Variants in TNS1 observed in about 807,000 individuals in gnomAD.
The protein encoded by TNS1 is tensin 1, also known as tensin-1.
Under a neutral mutation model 168.6 loss-of-function variants are expected in TNS1, and 62 were observed. The observed-to-expected ratio is 0.37, with a 90% confidence interval of 0.30 to 0.45. The LOEUF is 0.45. Ranked by LOEUF, TNS1 falls within the 20% of genes least tolerant of loss-of-function variation. The pLI, the probability that TNS1 is intolerant of heterozygous loss-of-function variation, is 1.00. For synonymous variants in TNS1, 934 were observed against 933.2 expected, an observed-to-expected ratio of 1.00 and a Z score of -0.02; for missense variants, 2,240 against 2,339.4, an observed-to-expected ratio of 0.96 and a Z score of 0.88.
chr2:217,914,048 C>CAGGGGGTTTT (rs112655706), intron 4 of TNS1, among the ~76,000 whole-genome samples: 8,036 of 152,202 alleles, frequency 0.053, 465 homozygotes, highest in African/African-American at 0.14. Flanking sequence ...TCTGTTTCAG[C>CAGGGGGTTTT]CCTGCTACCT....
At chr2:217,906,285 C>A in intron 6 of TNS1, 50 bp downstream of exon 6, 1 of 690,214 alleles carries the variant, frequency 1.4e-6, no homozygotes, top group South Asian at 1.5e-5. Flanking sequence ...CCCCATTCCC[C>A]CTGGCCACCA....
At chr2:217,899,871 G>A (rs556432117) in intron 7 of TNS1, among the ~76,000 whole-genome samples, 1 of 152,332 alleles carries the variant, frequency 6.6e-6, no homozygotes, top group African/African-American at 2.4e-5. Flanking sequence ...CTACTGCAGG[G>A]CTGGCATCCC....
rs1455091924 is a variant in TNS1, at chr2:217,800,666, C to G, written c.*3793G>C. On this transcript the variant is annotated 3_prime_UTR_variant, in exon 33 of 33. Coordinates refer to ENST00000682258, the MANE Select transcript of TNS1 (RefSeq NM_001387777.1). ...AAGGGCTGCTCTGGGACTCTGCCCC[C>G]CAACCTCTTGGAGGACCCCGAGTGT... 1.3e-5 allele frequency: 2 copies of G among 152,208 alleles called. No homozygotes were observed. Among genetic ancestry groups the G allele is most frequent in the Admixed American group, 6.5e-5 (1 of 15,284 alleles). The allele number at this position is 152,208 out of a possible 1,614,324, so 9.4% of individuals were successfully genotyped here.
chr2:217,949,587 C>T (rs1957193567), intron 3 of TNS1, among the ~76,000 whole-genome samples: 1 of 152,150 alleles, frequency 6.6e-6, no homozygotes, highest in South Asian at 2.1e-4. Context: ...GAGTAGATTC[C>T]TAGCCAGCAA....
chr2:217,863,287 A>G (rs115281838), intron 18 of TNS1, among the ~76,000 whole-genome samples: 1,854 of 152,116 alleles, frequency 0.012, 8 homozygotes, highest in Middle Eastern at 0.024. Context: ...AGGTTAGAGG[A>G]AAGAGGAGCA....
intron 18 of TNS1, chr2:217,858,732 A>G (rs6436017): frequency 0.6 from 97,625 of 163,292 alleles, 31,244 homozygotes; most frequent in African/African-American, 0.83. Context: ...ACTCTCCTGC[A>G]CGCTCTCTCC....
At position 217,854,616 on chromosome 2, in the gene TNS1, A is replaced by G. The variant is rs560530512; in HGVS notation, c.1430-5529T>C. Reference sequence around the variant, plus strand: ...CTGGGCAAAACTCCTTAAAAGGAGGAGTGGGGAATCCAAGGCCACGTGCAT... The same window carrying G: ...CTGGGCAAAACTCCTTAAAAGGAGGGGTGGGGAATCCAAGGCCACGTGCAT... On this transcript the variant is annotated intron_variant, in intron 18 of 32. Coordinates refer to ENST00000682258, the MANE Select transcript of TNS1 (RefSeq NM_001387777.1). 4.4e-4 allele frequency among the ~76,000 whole-genome samples: 67 copies of G among 152,298 alleles called. 1 individual carries two copies. The East Asian group carries it at 0.013, about 29-fold the overall frequency.
At chr2:217,849,961 T>C in intron 18 of TNS1, 4 of 985,378 alleles carry the variant, frequency 4.1e-6, no homozygotes, top group Non-Finnish European at 4.8e-6. Flanking sequence ...GCAAAGGATG[T>C]GATAGAACCA....
chr2:217,985,360 C>T (rs1250493320), intron 2 of TNS1: 1 of 152,000 alleles, frequency 6.6e-6, no homozygotes, highest in Non-Finnish European at 1.5e-5. Flanking sequence ...TCATTTAATC[C>T]CACAGTACCT....
intron 3 of TNS1, among the ~76,000 whole-genome samples, chr2:217,942,092 T>C (rs1956941241): frequency 1.3e-5 from 2 of 152,122 alleles, no homozygotes; most frequent in Non-Finnish European, 2.9e-5. Flanking sequence ...ACCACCTCCC[T>C]GGGAAATTCT....
At chr2:217,882,670 A>G (rs1458668688) in intron 16 of TNS1, among the ~76,000 whole-genome samples, 2 of 152,138 alleles carry the variant, frequency 1.3e-5, no homozygotes, top group Admixed American at 6.5e-5. Flanking sequence ...CTTTTCTACT[A>G]GCAATTTACC....
chr2:217,829,789 T>C, intron 22 of TNS1: 3 of 1,609,134 alleles, frequency 1.9e-6, no homozygotes, highest in Non-Finnish European at 8.5e-7. Context: ...AAGCCCTGCT[T>C]TGAAAAGCCA....
chr2:217,891,945 C>T (rs928086531), intron 11 of TNS1, among the ~76,000 whole-genome samples: 3 of 152,186 alleles, frequency 2.0e-5, no homozygotes, highest in African/African-American at 7.2e-5. Flanking sequence ...CACTGCCCTT[C>T]TTGAGTCCCT....
chr2:217,869,294 C>A (rs556904413), intron 18 of TNS1, among the ~76,000 whole-genome samples: 17 of 152,156 alleles, frequency 1.1e-4, no homozygotes, highest in Non-Finnish European at 1.9e-4. Flanking sequence ...CAAAGCCAGG[C>A]GAGGACAATG....
rs567422959 is a variant in TNS1 at position 217,800,607 on chromosome 2, G to A, written c.*3852C>T. On this transcript the variant is annotated 3_prime_UTR_variant, in exon 33 of 33. Transcript: ENST00000682258. Reference sequence around the variant, plus strand: ...GTGTTACCACTGGCCAAGGAAACGCGAGTCTCAGGATTCCAGGGCCTGGAC... The same window carrying A: ...GTGTTACCACTGGCCAAGGAAACGCAAGTCTCAGGATTCCAGGGCCTGGAC... 1.3e-5 allele frequency: 2 copies of A among 152,364 alleles called. No individual in the cohort carries two copies. Among genetic ancestry groups the A allele is most frequent in the East Asian group, 3.9e-4 (2 of 5,182 alleles). 9.4% of individuals were successfully genotyped at this position (152,364 alleles called of 1,614,324 possible).
intron 18 of TNS1, among the ~76,000 whole-genome samples, chr2:217,876,020 C>T (rs1403298350): frequency 6.6e-6 from 1 of 152,212 alleles, no homozygotes; most frequent in Non-Finnish European, 1.5e-5. Flanking sequence ...TCCTTTATCC[C>T]TGAGAAATCT....
Position 217,847,995 on chromosome 2 carries a change from A to T in TNS1, c.2522T>A (p.Met841Lys). The change falls in exon 19 of 33, where the codon ATG becomes AAG. Residue 841 changes from methionine to lysine, a missense_variant. Met to Lys is a moderately conservative substitution (Grantham distance 95). This residue lies in a region of TNS1 where 2,131 missense variants were observed against 2,171.2 expected (regional missense o/e 0.98). Coordinates refer to ENST00000682258, the MANE Select transcript of TNS1 (RefSeq NM_001387777.1). ...AGCGGAGGCTGGCTCCAGGTCCAGC[A>T]TCAGCATATTGAGTGTTTCGATGGA... ...EQSIETLNML[M>K]LDLEPASAAA... 3 of 1,512,544 alleles carry T rather than the reference A, an allele frequency of 2.0e-6. No homozygotes were observed. The highest frequency in any genetic ancestry group is 2.7e-6 in the Non-Finnish European group (3 of 1,127,834). 93.7% of individuals were successfully genotyped at this position (1,512,544 alleles called of 1,614,324 possible).
At chr2:217,903,399 C>T (rs1255795543) in intron 6 of TNS1, among the ~76,000 whole-genome samples, 1 of 152,172 alleles carries the variant, frequency 6.6e-6, no homozygotes, top group East Asian at 1.9e-4. Context: ...CTAGGGAAAA[C>T]GACTACAGGA....
At position 217,818,007 on chromosome 2, in the gene TNS1, C is replaced by A; in HGVS notation, c.4325G>T (p.Arg1442Leu). 6.3e-7 allele frequency: 1 copy of A among 1,597,042 alleles called. No individual in the cohort carries two copies. Among genetic ancestry groups the A allele is most frequent in the African/African-American group, 1.3e-5 (1 of 74,804 alleles). ...CTGGTAGCCAGAGGCACTGCTCTGCCGGGACAGTGTGGGTCTCCGATCCTC... is the reference window on the plus strand; with the variant it reads ...CTGGTAGCCAGAGGCACTGCTCTGCAGGGACAGTGTGGGTCTCCGATCCTC... ...TPEDRRPTLS[R>L]QSSASGYQAP... Residue 1442 changes from arginine to leucine, a missense_variant, in exon 24 of 33, where the codon CGG (arginine) becomes CTG (leucine). Arg to Leu is a moderately radical substitution (Grantham distance 102). Transcript: ENST00000682258.
Sources: gnomAD v4.1 joint callset for allele counts (sites outside exome capture counted in the v4.1 genomes callset) on GRCh38, gnomAD v4.1.1 for gene constraint, gnomAD v4.1.1 regional missense constraint, MANE v1.5 for transcripts, NCBI Gene and HGNC (gene_info 2026-07-23, HGNC 2026-07-21) for gene names.